Variants in ACOXL observed in about 807,000 individuals in gnomAD.
ACOXL encodes acyl-coenzyme A oxidase-like protein.
A neutral mutation model predicts 71.9 loss-of-function variants in ACOXL; 70 were observed. The ratio of observed to expected loss-of-function variants is 0.97; its 90% CI spans 0.80 to 1.19. The LOEUF is 1.19. ACOXL is among the 50% of genes most tolerant of loss of function. The probability of loss-of-function intolerance (pLI) is 0.00; values close to 1 mark genes in which losing one functional copy is unlikely to be tolerated. For missense variants in ACOXL, 703 were observed against 736.3 expected, an observed-to-expected ratio of 0.95 and a Z score of 0.52; for synonymous variants, 253 against 281.6, an observed-to-expected ratio of 0.90 and a Z score of 1.02.
chr2:110,858,598 G>T (rs1469478522), intron 10 of ACOXL, among the ~76,000 whole-genome samples: 3 of 152,240 alleles, frequency 2.0e-5, no homozygotes, highest in Non-Finnish European at 2.9e-5. Flanking sequence ...CCTCAGCTGT[G>T]AGAGTGTCTG....
chr2:111,064,775 GA>G (rs2066985926), intron 16 of ACOXL, among the ~76,000 whole-genome samples: 1 of 152,166 alleles, frequency 6.6e-6, no homozygotes, highest in South Asian at 2.1e-4. Flanking sequence ...CAAAAAATTA[GA>G]AATACTTAGG....
chr2:111,029,360 A>C (rs1241458181), intron 14 of ACOXL, among the ~76,000 whole-genome samples: 2 of 152,202 alleles, frequency 1.3e-5, no homozygotes, highest in Non-Finnish European at 2.9e-5. Context: ...TGCATAGGCA[A>C]TTAGAGGGTT....
chr2:111,074,408 A>G (rs189124745), intron 16 of ACOXL, among the ~76,000 whole-genome samples: 1 of 151,918 alleles, frequency 6.6e-6, no homozygotes, highest in Non-Finnish European at 1.5e-5. Context: ...TTCTGTGTGT[A>G]TGTGTGTTTT....
At chr2:111,019,439 A>G (rs906260718) in intron 14 of ACOXL, among the ~76,000 whole-genome samples, 4 of 152,252 alleles carry the variant, frequency 2.6e-5, no homozygotes, top group African/African-American at 7.2e-5. Flanking sequence ...AGGCTCGGTA[A>G]TGAAAACCGG....
At chr2:110,948,334 T>G (rs1007326224) in intron 12 of ACOXL, among the ~76,000 whole-genome samples, 1 of 152,198 alleles carries the variant, frequency 6.6e-6, no homozygotes, top group African/African-American at 2.4e-5. Flanking sequence ...CAATTCCAAG[T>G]GTTTGTAAAT....
intron 15 of ACOXL, among the ~76,000 whole-genome samples, chr2:111,046,021 C>T (rs1242382815): frequency 6.6e-6 from 1 of 152,240 alleles, no homozygotes; most frequent in Non-Finnish European, 1.5e-5. Context: ...GCACCCTCTC[C>T]TGAGGCCAGG....
intron 5 of ACOXL, among the ~76,000 whole-genome samples, chr2:110,796,350 T>C (rs1685276704): frequency 6.6e-6 from 1 of 152,198 alleles, no homozygotes; most frequent in Non-Finnish European, 1.5e-5. Flanking sequence ...AAAGGCATCA[T>C]TTTTAGTTCC....
chr2:110,921,978 G>A (rs1273243242), intron 11 of ACOXL, among the ~76,000 whole-genome samples: 2 of 152,076 alleles, frequency 1.3e-5, no homozygotes, highest in African/African-American at 2.4e-5. Context: ...AGTGTTCTAT[G>A]TACACTTAAA....
At chr2:111,114,402 T>C (rs1558982437) in intron 17 of ACOXL, 1 of 152,232 alleles carries the variant, frequency 6.6e-6, no homozygotes, top group South Asian at 2.1e-4. Flanking sequence ...GTTCCCCATA[T>C]TCTACTGGCA....
chr2:111,100,353 C>T (rs1297050411), intron 17 of ACOXL: 1 of 152,610 alleles, frequency 6.6e-6, no homozygotes, highest in African/African-American at 2.4e-5. Context: ...GGCTGTGTAA[C>T]CCACGCACAG....
chr2:110,771,504 A>T (rs138885764), intron 2 of ACOXL, among the ~76,000 whole-genome samples: 11 of 152,232 alleles, frequency 7.2e-5, no homozygotes, highest in South Asian at 2.1e-4. Flanking sequence ...GGGACAAATA[A>T]GAAGGGAGTC....
intron 1 of ACOXL, among the ~76,000 whole-genome samples, chr2:110,760,385 C>T (rs1680243671): frequency 6.6e-6 from 1 of 152,138 alleles, no homozygotes; most frequent in African/African-American, 2.4e-5. Context: ...ACCTCGTGAT[C>T]CGCCCGCCTC....
intron 10 of ACOXL, among the ~76,000 whole-genome samples, chr2:110,879,382 A>G (rs1339698888): frequency 2.0e-5 from 3 of 152,214 alleles, no homozygotes; most frequent in Admixed American, 6.5e-5. Context: ...GTTGAAGGAA[A>G]AATGATGTAG....
chr2:111,009,986 G>T (rs2064069240), intron 14 of ACOXL, among the ~76,000 whole-genome samples: 1 of 152,116 alleles, frequency 6.6e-6, no homozygotes, highest in Non-Finnish European at 1.5e-5. Context: ...CTGCATGCTA[G>T]AATAAGACTC....
intron 14 of ACOXL, among the ~76,000 whole-genome samples, chr2:111,025,242 T>C (rs1352580390): frequency 6.6e-6 from 1 of 152,246 alleles, no homozygotes; most frequent in Non-Finnish European, 1.5e-5. Context: ...GTGGTAGATG[T>C]ACGCACTGCT....
chr2:110,770,338 C>T (rs1052038114), intron 2 of ACOXL, among the ~76,000 whole-genome samples: 9 of 152,166 alleles, frequency 5.9e-5, no homozygotes, highest in Non-Finnish European at 1.0e-4. Context: ...CTCCCTTCCC[C>T]ACAATCCCAC....
intron 10 of ACOXL, among the ~76,000 whole-genome samples, chr2:110,905,090 A>G (rs1461314630): frequency 6.6e-6 from 1 of 152,118 alleles, no homozygotes. Flanking sequence ...ACATGACACC[A>G]GCTGGAAAGG....
chr2:110,907,154 T>G (rs569616302), intron 10 of ACOXL, among the ~76,000 whole-genome samples: 126 of 152,296 alleles, frequency 8.3e-4, no homozygotes, highest in African/African-American at 3.0e-3. Context: ...GTGAGGGCGC[T>G]TTTCCTGGCC....
At chr2:110,986,864 G>T (rs1045293762) in intron 12 of ACOXL, among the ~76,000 whole-genome samples, 33 of 152,130 alleles carry the variant, frequency 2.2e-4, no homozygotes, top group African/African-American at 8.0e-4. Flanking sequence ...ACTGATACAG[G>T]CAAGAAGGGA....
Sources: allele counts gnomAD v4.1 joint callset (sites outside exome capture counted in the v4.1 genomes callset), GRCh38; gene constraint gnomAD v4.1.1; transcripts MANE v1.5; gene names NCBI Gene and HGNC (gene_info 2026-07-23, HGNC 2026-07-21).